The following LAMB3 variants were observed in gnomAD, a reference collection of about 807,000 sequenced individuals.
LAMB3 encodes the protein laminin subunit beta-3.
A neutral mutation model predicts 140.3 loss-of-function variants in LAMB3; 104 were observed. The observed-to-expected ratio is 0.74, with a 90% CI of 0.63 to 0.87. LAMB3 has a LOEUF of 0.87. Ranked by LOEUF, LAMB3 falls within the 40% of genes least tolerant of loss-of-function variation. The probability of loss-of-function intolerance (pLI) is 0.00; values close to 1 mark genes in which losing one functional copy is unlikely to be tolerated. For missense variants in LAMB3, 1,531 were observed against 1,575.2 expected (o/e 0.97, Z 0.47); for synonymous variants, 592 against 602.9 (o/e 0.98, Z 0.26).
intron 11 of LAMB3, 80 bp from the exon 12 acceptor site, chr1:209,627,659 C>T (rs1666518293): frequency 3.7e-6 from 5 of 1,350,488 alleles, no homozygotes; most frequent in Non-Finnish European, 5.2e-6. Context: ...CAGGGAGGGG[C>T]GCTGCCTGGG....
intron 5 of LAMB3, among the ~76,000 whole-genome samples, chr1:209,636,625 G>T (rs1190762955): frequency 6.6e-6 from 1 of 152,110 alleles, no homozygotes; most frequent in East Asian, 1.9e-4. Context: ...TCACCCTCCA[G>T]GCCCTGTGTG....
intron 3 of LAMB3, among the ~76,000 whole-genome samples, chr1:209,641,100 T>TA (rs1465140084): frequency 1.2e-4 from 14 of 119,228 alleles, no homozygotes; most frequent in East Asian, 4.4e-4. Context: ...AAAAAAAAAT[T>TA]TAAAAAAAAA....
chr1:209,617,994 C>G lies in LAMB3; in HGVS notation c.2964G>C (p.Arg988=), dbSNP rs1426062333. The change falls in exon 20 of 23, where the codon CGG becomes CGC. Residue 988 remains arginine, a synonymous_variant. Transcript: ENST00000356082. The part of the protein sequence containing the change: ...GQVEDVVGNL[R]QGTVALQEAQ... ...CTTCCTGCAGTGCCACTGTCCCCTG[C>G]CGCAGGTTCCCAACCACATCTTCCA... 6.2e-7 allele frequency: 1 copy of G among 1,614,070 alleles called. No individual in the cohort carries two copies. Among genetic ancestry groups the G allele is most frequent in the Non-Finnish European group, 8.5e-7 (1 of 1,180,036 alleles).
rs568351873 is a variant in LAMB3 at position 209,623,784 on chromosome 1, C to A, written c.2137+56G>T. 1.2e-6 allele frequency: 2 copies of A among 1,613,110 alleles called. No homozygotes were observed. On this transcript the variant is annotated intron_variant, in intron 15 of 22. Coordinates refer to ENST00000356082, the MANE Select transcript of LAMB3 (RefSeq NM_000228.3). The surrounding 1 kb of genome is among the most constrained non-coding windows in gnomAD (Gnocchi z 4.2). ...GAGGAGCAGGAGGGAGAGGGGGTGG[C>A]ATGCCCACCACGGCAGTGCCCATGC...
In LAMB3 at chr1:209,615,093, T is replaced by C; in HGVS notation, c.*178A>G. 4.5e-6 allele frequency: 3 copies of C among 671,168 alleles called. No homozygotes were observed. The highest frequency in any genetic ancestry group is 7.6e-6 in the Non-Finnish European group (3 of 395,058). The allele number at this position is 671,168 out of a possible 1,614,324, so 41.6% of individuals were successfully genotyped here. A position where few individuals can be genotyped will look rare whatever the true frequency, so the allele number is the denominator to read the frequency against. On this transcript the variant is annotated 3_prime_UTR_variant, in exon 23 of 23. Coordinates refer to ENST00000356082, the MANE Select transcript of LAMB3 (RefSeq NM_000228.3). The stretch of plus-strand genomic sequence containing the variant: ...TGTCTGTCAAGTGTAACTGTCCCAT[T>C]GGCTCAGGCTCAGCTGCAGCTCAGG...
chr1:209,651,344 G>T (rs1396900347), intron 1 of LAMB3: 2 of 272,008 alleles, frequency 7.4e-6, no homozygotes, highest in Non-Finnish European at 1.5e-5. Flanking sequence ...GCTGTAGAAA[G>T]GGCCAAGACC....
At chr1:209,645,207 G>A (rs2236898) in intron 3 of LAMB3, among the ~76,000 whole-genome samples, 25,605 of 151,990 alleles carry the variant, frequency 0.17, 2,330 homozygotes, top group African/African-American at 0.23. Flanking sequence ...CTCATTTTGG[G>A]TCTCGTGGGT....
chr1:209,645,559 T>C (rs1282977549), intron 3 of LAMB3, among the ~76,000 whole-genome samples: 3 of 151,796 alleles, frequency 2.0e-5, no homozygotes, highest in Non-Finnish European at 4.4e-5. Context: ...CTACTAAAAA[T>C]ACAAAAATCA....
At position 209,638,591 on chromosome 1, in the gene LAMB3, G is replaced by T. The variant is rs1064793896; in HGVS notation, c.241C>A (p.Arg81=). The T allele has an allele frequency of 1.9e-6, 3 of 1,614,036 alleles. No homozygotes were observed. The highest frequency in any genetic ancestry group is 2.5e-6 in the Non-Finnish European group (3 of 1,179,952). Residue 81 remains arginine, a synonymous_variant, in exon 4 of 23, where the codon CGA becomes AGA. Transcript: ENST00000356082. ...GAGGATGAAGCCACATTCTCTACTCGGTGACTGTAGTAGTTGTGAGGCTGC... is the reference window on the plus strand; with the variant it reads ...GAGGATGAAGCCACATTCTCTACTCTGTGACTGTAGTAGTTGTGAGGCTGC... ...SRQPHNYYSH[R]VENVASSSGP... is the part of the protein sequence containing the mutation.
intron 18 of LAMB3, among the ~76,000 whole-genome samples, chr1:209,620,862 A>G (rs1292541024): frequency 6.6e-6 from 1 of 152,136 alleles, no homozygotes; most frequent in Non-Finnish European, 1.5e-5. Context: ...CCCTCCACAG[A>G]CTTTCCACTC....
In LAMB3 at chr1:209,623,005, G is replaced by A. The variant is rs1571804681; in HGVS notation, c.2533C>T (p.Gln845Ter). The change falls in exon 17 of 23, where the codon CAG (glutamine) becomes TAG (stop). Residue 845 changes from glutamine (Q) to a stop codon, truncating the protein, a stop_gained. Coordinates refer to ENST00000356082, the MANE Select transcript of LAMB3 (RefSeq NM_000228.3). LOFTEE classifies it high-confidence loss of function. This position sits in a 1 kb window ranked among gnomAD's most constrained non-coding sequence, Gnocchi z 4.2. ...VAEQLRGFNA[Q>*]LQRTRQMIRA... ...ACCATCTGCCTGGTCCGCTGGAGCT[G>A]GGCATTGAAGCCCCGCAGCTGCTCA... is the stretch of plus-strand genomic sequence containing the variant. The A allele has an allele frequency of 6.2e-7, 1 of 1,613,622 alleles. No homozygotes were observed.
chr1:209,634,483 C>T lies in LAMB3; in HGVS notation c.528G>A (p.Leu176=). ...TTAGGCGTGCATTAGGCCTCTGAGG[C>T]AGGGACTGGCACCGAACATCCTGCC... The part of the protein sequence containing the change: ...QSWQDVRCQS[L]PQRPNARLNG... The change falls in exon 6 of 23, where the codon CTG becomes CTA. Residue 176 remains leucine (L), a synonymous_variant. Coordinates refer to ENST00000356082, the MANE Select transcript of LAMB3 (RefSeq NM_000228.3). 6.2e-7 allele frequency: 1 copy of T among 1,614,164 alleles called. No individual in the cohort carries two copies. The highest frequency in any genetic ancestry group is 8.5e-7 in the Non-Finnish European group (1 of 1,180,034).
Position 209,645,442 on chromosome 1 carries a change from G to A in LAMB3, c.183+4522C>T, listed in dbSNP as rs149562489. ...AAAAAAGCAGATATTTTGGGCCGGG[G>A]GGAGTGGCTCACACCTGTAATCCAG... On this transcript the variant is annotated intron_variant, in intron 3 of 22. Transcript: ENST00000356082. 3.5e-3 allele frequency among the ~76,000 whole-genome samples: 530 copies of A among 152,276 alleles called. 1 individual carries two copies. The highest frequency in any genetic ancestry group is 0.01 in the Middle Eastern group (3 of 294).
At chr1:209,628,703 A>AAGAG (rs35325918) in intron 10 of LAMB3, among the ~76,000 whole-genome samples, 41 of 146,438 alleles carry the variant, frequency 2.8e-4, no homozygotes, top group Non-Finnish European at 5.1e-4. Context: ...TCCATTAAAA[A>AAGAG]AGAGAGAGAG....
chr1:209,624,933 A>G (rs1220450542), intron 14 of LAMB3, among the ~76,000 whole-genome samples: 2 of 148,726 alleles, frequency 1.3e-5, no homozygotes, highest in African/African-American at 5.0e-5. Context: ...GAAGGAAGGA[A>G]GGAAAAAAAG....
intron 9 of LAMB3, 57 bp from the exon 10 acceptor site, chr1:209,629,982 G>T: frequency 1.3e-6 from 2 of 1,542,148 alleles, no homozygotes; most frequent in Non-Finnish European, 1.8e-6. Flanking sequence ...TATCTACAGA[G>T]CATGCTCCAC....
At position 209,623,819 on chromosome 1, in the gene LAMB3, T is replaced by G; in HGVS notation, c.2137+21A>C. 1 of 1,614,180 alleles carries G rather than the reference T, an allele frequency of 6.2e-7. No individual in the cohort carries two copies. The highest frequency in any genetic ancestry group is 8.5e-7 in the Non-Finnish European group (1 of 1,180,026). ...ACGGCAGTGCCCATGCCCGGGGTTATCCGGGTGCCCCTCTCCTCACCTGAA... is the reference window on the plus strand; with the variant it reads ...ACGGCAGTGCCCATGCCCGGGGTTAGCCGGGTGCCCCTCTCCTCACCTGAA... On this transcript the variant is annotated intron_variant, in intron 15 of 22. Transcript: ENST00000356082. This position sits in a 1 kb window ranked among gnomAD's most constrained non-coding sequence, Gnocchi z 4.2.
At chr1:209,646,232 G>A (rs574207183) in intron 3 of LAMB3, among the ~76,000 whole-genome samples, 4 of 152,292 alleles carry the variant, frequency 2.6e-5, no homozygotes, top group South Asian at 2.1e-4. Flanking sequence ...TGAGGAATGC[G>A]TGTCATCCCA....
intron 3 of LAMB3, among the ~76,000 whole-genome samples, chr1:209,641,400 T>C (rs899713994): frequency 1.3e-5 from 2 of 152,136 alleles, no homozygotes; most frequent in African/African-American, 4.8e-5. Flanking sequence ...TTAGCCCCAT[T>C]TACAGAGGGG....
Sources: gnomAD v4.1 joint callset for allele counts (sites outside exome capture counted in the v4.1 genomes callset) on GRCh38, gnomAD v4.1.1 for gene constraint, Gnocchi (gnomAD v3.1) non-coding constraint, MANE v1.5 for transcripts, NCBI Gene and HGNC (gene_info 2026-07-23, HGNC 2026-07-21) for gene names.